The following KCNH5 variants were observed in gnomAD, a reference collection of about 807,000 sequenced individuals.
KCNH5 encodes the protein potassium voltage-gated channel subfamily H member 5.
Under a neutral mutation model 96.1 loss-of-function variants are expected in KCNH5, and 46 were observed. The ratio of observed to expected loss-of-function variants is 0.48; its 90% CI spans 0.38 to 0.61. KCNH5 has a LOEUF of 0.61. Ranked by LOEUF, KCNH5 falls within the 20% of genes least tolerant of loss-of-function variation. The pLI is 0.00. For synonymous variants in KCNH5, 439 were observed against 449.8 expected (o/e 0.98, Z 0.30); for missense variants, 907 against 1,225.8 (o/e 0.74, Z 3.88).
chr14:62,870,298 T>A (rs1888227627), intron 7 of KCNH5, among the ~76,000 whole-genome samples: 1 of 152,234 alleles, frequency 6.6e-6, no homozygotes, highest in Non-Finnish European at 1.5e-5. Flanking sequence ...TTTGACTGCT[T>A]GGAGCAATCA....
chr14:63,036,373 G>A (rs957834279), intron 1 of KCNH5, among the ~76,000 whole-genome samples: 2 of 152,076 alleles, frequency 1.3e-5, no homozygotes, highest in African/African-American at 4.8e-5. Flanking sequence ...ACAAAAGAAA[G>A]CTAAGGACTG....
intron 8 of KCNH5, among the ~76,000 whole-genome samples, chr14:62,848,140 T>C (rs1454539577): frequency 6.6e-6 from 1 of 152,234 alleles, no homozygotes; most frequent in East Asian, 1.9e-4. Context: ...CATGTGGCTC[T>C]ATTGCATTTT....
At chr14:62,984,701 G>C (rs1274751405) in intron 5 of KCNH5, among the ~76,000 whole-genome samples, 1 of 151,566 alleles carries the variant, frequency 6.6e-6, no homozygotes, top group Admixed American at 6.6e-5. Context: ...TTTTATATCA[G>C]AACCAGGTTT....
chr14:62,940,806 T>C (rs962715875), intron 7 of KCNH5, among the ~76,000 whole-genome samples: 4 of 152,234 alleles, frequency 2.6e-5, no homozygotes, highest in Admixed American at 6.5e-5. Flanking sequence ...ACATTTTTAT[T>C]CATTCATTAA....
At chr14:63,026,331 T>C (rs1291793317) in intron 1 of KCNH5, among the ~76,000 whole-genome samples, 1 of 151,918 alleles carries the variant, frequency 6.6e-6, no homozygotes, top group Non-Finnish European at 1.5e-5. Context: ...CTGACTTCAA[T>C]AGCACAGGTA....
intron 8 of KCNH5, among the ~76,000 whole-genome samples, chr14:62,803,450 A>T (rs1886705480): frequency 6.6e-6 from 1 of 152,128 alleles, no homozygotes; most frequent in African/African-American, 2.4e-5. Flanking sequence ...CCAGGAAGGG[A>T]CAAGGGTATT....
intron 7 of KCNH5, among the ~76,000 whole-genome samples, chr14:62,931,258 A>G (rs1159676354): frequency 6.6e-6 from 1 of 152,150 alleles, no homozygotes; most frequent in East Asian, 1.9e-4. Context: ...GATATTCTCT[A>G]GTGACAAGTA....
chr14:62,919,360 T>C (rs1384591036), intron 7 of KCNH5, among the ~76,000 whole-genome samples: 4 of 152,188 alleles, frequency 2.6e-5, no homozygotes, highest in Non-Finnish European at 5.9e-5. Flanking sequence ...ATTTTAATAA[T>C]GATATAACTG....
Position 62,977,108 on chromosome 14 carries a change from C to T in KCNH5, c.942+3764G>A, listed in dbSNP as rs576037892. On this transcript the variant is annotated intron_variant, in intron 6 of 10. Coordinates refer to ENST00000322893, the MANE Select transcript of KCNH5 (RefSeq NM_139318.5). ...ACACTTGGCCAGGCCCAGTTGCTCACGCCTGTAATCCCAACACTTTGGGAG... is the reference window on the plus strand; with the variant it reads ...ACACTTGGCCAGGCCCAGTTGCTCATGCCTGTAATCCCAACACTTTGGGAG... Among the ~76,000 whole-genome samples, 8 of 152,270 alleles carry T rather than the reference C, an allele frequency of 5.3e-5. No homozygotes were observed. The East Asian group carries it at 1.4e-3, about 26-fold the overall frequency.
chr14:62,722,074 C>T (rs985794122), intron 10 of KCNH5, among the ~76,000 whole-genome samples: 5 of 152,172 alleles, frequency 3.3e-5, no homozygotes, highest in African/African-American at 9.7e-5. Context: ...AGAATATCAT[C>T]ATTTTAATTC....
intron 7 of KCNH5, among the ~76,000 whole-genome samples, chr14:62,870,790 A>G (rs1888238250): frequency 6.6e-6 from 1 of 152,206 alleles, no homozygotes; most frequent in South Asian, 2.1e-4. Flanking sequence ...ACCTTAAAAA[A>G]AACTCTCTGG....
Position 62,792,451 on chromosome 14 carries a change from A to G in KCNH5, c.1822+9878T>C, listed in dbSNP as rs565155598. On this transcript the variant is annotated intron_variant, in intron 9 of 10. Transcript: ENST00000322893. ...AGAAATGATAATAAACATGCTGATTATCCTGAGTTTGGCACTATTAGTGTT... is the reference window on the plus strand; with the variant it reads ...AGAAATGATAATAAACATGCTGATTGTCCTGAGTTTGGCACTATTAGTGTT... 5.9e-5 allele frequency among the ~76,000 whole-genome samples: 9 copies of G among 151,734 alleles called. No homozygotes were observed. The South Asian group carries it at 1.7e-3, about 28-fold the overall frequency.
At chr14:62,747,641 C>T (rs543111743) in intron 10 of KCNH5, among the ~76,000 whole-genome samples, 6 of 152,208 alleles carry the variant, frequency 3.9e-5, no homozygotes, top group Non-Finnish European at 8.8e-5. Flanking sequence ...AATCTCAGCA[C>T]ATGCAGCAAA....
chr14:62,821,383 A>G (rs1481871964), intron 8 of KCNH5, among the ~76,000 whole-genome samples: 4 of 152,148 alleles, frequency 2.6e-5, no homozygotes, highest in African/African-American at 9.6e-5. Context: ...TTAAAATGCT[A>G]GGAACCAAAA....
chr14:62,907,833 C>T (rs1889059611), intron 7 of KCNH5, among the ~76,000 whole-genome samples: 1 of 152,196 alleles, frequency 6.6e-6, no homozygotes. Context: ...GCTCTGGCCC[C>T]TGCCCTGTGT....
chr14:62,910,941 A>ACACC (rs61033705), intron 7 of KCNH5, among the ~76,000 whole-genome samples: 4,415 of 140,654 alleles, frequency 0.031, 81 homozygotes, highest in East Asian at 0.056. Flanking sequence ...ACACACACAC[A>ACACC]CCCCTCTGTT....
intron 10 of KCNH5, among the ~76,000 whole-genome samples, chr14:62,732,371 A>G (rs1041487065): frequency 2.0e-5 from 3 of 152,082 alleles, no homozygotes; most frequent in African/African-American, 7.2e-5. Context: ...GATTGTCTGA[A>G]TCTGTCAAGA....
At position 63,016,755 on chromosome 14, in the gene KCNH5, T is replaced by A. The variant is rs1164664344; in HGVS notation, c.197+76A>T. On this transcript the variant is annotated intron_variant, in intron 2 of 10. Transcript: ENST00000322893. Reference sequence around the variant, plus strand: ...TATGGTTTGTATATGGGAGTCCAAGTAAGCTTAAGCCTTTTAATTACATTC... The same window carrying A: ...TATGGTTTGTATATGGGAGTCCAAGAAAGCTTAAGCCTTTTAATTACATTC... 1.9e-5 allele frequency: 27 copies of A among 1,457,218 alleles called. No individual in the cohort carries two copies. In the East Asian group the frequency reaches 4.4e-4, roughly 24 times the overall value. The allele number at this position is 1,457,218 out of a possible 1,614,324, so 90.3% of individuals were successfully genotyped here. A position where few individuals can be genotyped will look rare whatever the true frequency, so the allele number is the denominator to read the frequency against.
intron 9 of KCNH5, among the ~76,000 whole-genome samples, chr14:62,789,030 A>G (rs910855839): frequency 6.6e-6 from 1 of 152,050 alleles, no homozygotes; most frequent in African/African-American, 2.4e-5. Context: ...CTCTAAAAAT[A>G]TTCATCCTAC....
Sources: allele counts gnomAD v4.1 joint callset (sites outside exome capture counted in the v4.1 genomes callset), GRCh38; gene constraint gnomAD v4.1.1; transcripts MANE v1.5; gene names NCBI Gene and HGNC (gene_info 2026-07-23, HGNC 2026-07-21).